Variants in MYH8 observed in about 807,000 individuals in gnomAD.
MYH8 encodes the protein myosin-8.
MYH8 carries 168 observed loss-of-function variants against 233.2 expected under a neutral mutation model. That is an observed-to-expected ratio of 0.72 (90% CI 0.64 to 0.82). The LOEUF is 0.82. Ranked by LOEUF, MYH8 falls within the 40% of genes least tolerant of loss-of-function variation. The pLI, the probability that MYH8 is intolerant of heterozygous loss-of-function variation, is 0.00. For missense variants in MYH8, 1,995 were observed against 2,327.8 expected (o/e 0.86, Z 2.94); for synonymous variants, 785 against 850.6 (o/e 0.92, Z 1.34).
chr17:10,418,601 A>T, intron 5 of MYH8, 44 bp downstream of exon 5: 2 of 1,612,744 alleles, frequency 1.2e-6, no homozygotes, highest in South Asian at 1.1e-5. Flanking sequence ...TTCTGCAAAG[A>T]TTCTATTTAC....
At chr17:10,397,301 C>A (rs527984544) in intron 30 of MYH8, among the ~76,000 whole-genome samples, 24 of 152,158 alleles carry the variant, frequency 1.6e-4, no homozygotes, top group Non-Finnish European at 2.6e-4. Context: ...CATATGTTGG[C>A]CAAGCTGGTC....
At chr17:10,409,710 G>A (rs902019629) in intron 15 of MYH8, 122 bp from the exon 16 acceptor site, 4 of 1,336,690 alleles carry the variant, frequency 3.0e-6, no homozygotes, top group African/African-American at 1.5e-5. Flanking sequence ...ATAAACCAGG[G>A]TCACAGCTCG....
rs2072226434 is a variant in MYH8 at position 10,409,528 on chromosome 17, A to G, written c.1648T>C (p.Ser550Pro). 1.2e-6 allele frequency: 2 copies of G among 1,614,210 alleles called. No individual in the cohort carries two copies. The highest frequency in any genetic ancestry group is 3.3e-5 in the Admixed American group (2 of 60,014). ...ECMFPKATDTSFKNKLYDQHL... is the reference protein window; with the variant it reads ...ECMFPKATDTPFKNKLYDQHL... ...TGGTCATACAGCTTGTTCTTGAAGG[A>G]GGTGTCCGTTGCCTTAGGGAACATG... The change falls in exon 16 of 40, where the codon TCC becomes CCC. Residue 550 changes from serine (S) to proline (P), a missense_variant. Around this residue, in one of 3 missense-constraint regions of MYH8, gnomAD observed 1,498 missense variants for 1,680.9 expected, o/e 0.89. Transcript: ENST00000403437.
Position 10,400,974 on chromosome 17 carries a change from G to A in MYH8, c.3255-15C>T. 1 of 1,613,398 alleles carries A rather than the reference G, an allele frequency of 6.2e-7. No homozygotes were observed. The highest frequency in any genetic ancestry group is 8.5e-7 in the Non-Finnish European group (1 of 1,179,544). On this transcript the variant is annotated splice_polypyrimidine_tract_variant and intron_variant, in intron 25 of 39. Coordinates refer to ENST00000403437, the MANE Select transcript of MYH8 (RefSeq NM_002472.3). This position sits in a 1 kb window ranked among gnomAD's most constrained non-coding sequence, Gnocchi z 4.0. Reference sequence around the variant, plus strand: ...CAAATTCTTTCCTTTAGACAGAAGAGCAAGACGTATTAATACTCATGTGAA... The same window carrying A: ...CAAATTCTTTCCTTTAGACAGAAGAACAAGACGTATTAATACTCATGTGAA...
rs1333766298 is a variant in MYH8 at position 10,406,543 on chromosome 17, A to G, written c.2172-146T>C. ...CCGTTTAAGGACAGATAGTAAAACA[A>G]TATGATTTTCTGTTGCATGCCTGCT... On this transcript the variant is annotated intron_variant, in intron 19 of 39. Transcript: ENST00000403437. 26 of 1,388,248 alleles carry G rather than the reference A, an allele frequency of 1.9e-5. No individual in the cohort carries two copies. In the East Asian group the frequency reaches 3.7e-4, roughly 20 times the overall value. 86.0% of individuals were successfully genotyped at this position (1,388,248 alleles called of 1,614,324 possible).
chr17:10,409,664 T>C, intron 15 of MYH8, 76 bp from the exon 16 acceptor site: 1 of 1,571,428 alleles, frequency 6.4e-7, no homozygotes, highest in Non-Finnish European at 8.7e-7. Flanking sequence ...GTCATTTGAT[T>C]GAATTATGAG....
intron 39 of MYH8, 88 bp from the exon 40 acceptor site, chr17:10,390,691 A>G (rs1288356584): frequency 6.9e-7 from 1 of 1,454,524 alleles, no homozygotes; most frequent in African/African-American, 1.4e-5. Context: ...CAAATCAGGT[A>G]TTTCCTTCTT....
chr17:10,396,801 A>G lies in MYH8; in HGVS notation c.4362+2T>C. On this transcript the variant is annotated splice_donor_variant, in intron 31 of 39. Transcript: ENST00000403437. LOFTEE classifies it high-confidence loss of function. This position sits in a 1 kb window ranked among gnomAD's most constrained non-coding sequence, Gnocchi z 4.2. The stretch of plus-strand genomic sequence containing the variant: ...TCTTAAAGTTTAAGCAGTCTGGGCC[A>G]CCTTGTCAAAGTTCCTTTGCTTCTT... 6.2e-7 allele frequency: 1 copy of G among 1,614,230 alleles called. No homozygotes were observed. The highest frequency in any genetic ancestry group is 8.5e-7 in the Non-Finnish European group (1 of 1,180,030).
rs1282780273 is a variant in MYH8 at position 10,394,335 on chromosome 17, T to TG, written c.5079dup (p.Thr1694HisfsTer21). On this transcript the variant is annotated frameshift_variant, in exon 35 of 40. Coordinates refer to ENST00000403437, the MANE Select transcript of MYH8 (RefSeq NM_002472.3). LOFTEE classifies it high-confidence loss of function. ...CTGCTTCTCTCTGTCTGTTCCAGAG[T>TG]GGCCCACAGCTCCTCGATCTCAGCC... is the stretch of plus-strand genomic sequence containing the variant. 1 of 1,613,952 alleles carries TG rather than the reference T, an allele frequency of 6.2e-7. No homozygotes were observed. Among genetic ancestry groups the TG allele is most frequent in the Non-Finnish European group, 8.5e-7 (1 of 1,180,018 alleles).
intron 39 of MYH8, among the ~76,000 whole-genome samples, chr17:10,391,358 C>T (rs2072021900): frequency 6.6e-6 from 1 of 152,118 alleles, no homozygotes; most frequent in Non-Finnish European, 1.5e-5. Context: ...GAACTTGCCC[C>T]CCTCAACCCT....
chr17:10,396,586 C>A lies in MYH8; in HGVS notation c.4495G>T (p.Glu1499Ter). ...NVYEESLDQLETLRRENKNLQ... is the reference protein window; with the variant it reads ...NVYEESLDQL ...TTCTTATTTTCTCTTCTTAGCGTTTCGAGTTGATCCAGGGATTCCTCATAG... is the reference window on the plus strand; with the variant it reads ...TTCTTATTTTCTCTTCTTAGCGTTTAGAGTTGATCCAGGGATTCCTCATAG... The change falls in exon 32 of 40, where the codon GAA becomes TAA. Residue 1499 changes from glutamate to a stop codon, truncating the protein, a stop_gained. Transcript: ENST00000403437. LOFTEE classifies it high-confidence loss of function. This position sits in a 1 kb window ranked among gnomAD's most constrained non-coding sequence, Gnocchi z 4.2. 1 of 1,614,130 alleles carries A rather than the reference C, an allele frequency of 6.2e-7. No homozygotes were observed. The highest frequency in any genetic ancestry group is 8.5e-7 in the Non-Finnish European group (1 of 1,180,022).
intron 12 of MYH8, among the ~76,000 whole-genome samples, chr17:10,413,038 A>G (rs1185911892): frequency 1.3e-5 from 2 of 152,230 alleles, no homozygotes; most frequent in South Asian, 2.1e-4. Flanking sequence ...TTTAAGACAC[A>G]TTAGGTGTAG....
intron 37 of MYH8, 67 bp from the exon 38 acceptor site, chr17:10,392,713 A>G: frequency 6.2e-7 from 1 of 1,612,298 alleles, no homozygotes; most frequent in South Asian, 1.1e-5. Context: ...GACCTACTGA[A>G]GGCATGGGGT....
In MYH8 at chr17:10,400,482, G is replaced by A. The variant is rs1403404409; in HGVS notation, c.3643C>T (p.Arg1215Trp). Residue 1215 changes from arginine (R) to tryptophan (W), a missense_variant, in exon 27 of 40, where the codon CGG becomes TGG. Arg to Trp is a moderately radical substitution (Grantham distance 101). This residue lies in a region of MYH8 where 1,498 missense variants were observed against 1,680.9 expected (regional missense o/e 0.89). Transcript: ENST00000403437. This position sits in a 1 kb window ranked among gnomAD's most constrained non-coding sequence, Gnocchi z 4.0. ...ELGEQIDNLQ[R>W]VKQKLEKEKS... ...TCCTTCTCCAGCTTCTGTTTGACCC[G>A]CTGCAAGTTGTCAATCTGCTCCCCA... is the stretch of plus-strand genomic sequence containing the variant. 3 of 1,613,986 alleles carry A rather than the reference G, an allele frequency of 1.9e-6. No homozygotes were observed. Among genetic ancestry groups the A allele is most frequent in the Non-Finnish European group, 2.5e-6 (3 of 1,179,988 alleles).
intron 33 of MYH8, 69 bp from the exon 34 acceptor site, chr17:10,395,510 C>T: frequency 6.7e-7 from 1 of 1,497,566 alleles, no homozygotes; most frequent in Non-Finnish European, 9.2e-7. Flanking sequence ...CCCTCGTGAG[C>T]CAAACTCTTG....
intron 33 of MYH8, 30 bp from the exon 34 acceptor site, chr17:10,395,471 G>T (rs752509023): frequency 6.2e-7 from 1 of 1,609,384 alleles, no homozygotes; most frequent in South Asian, 1.1e-5. Context: ...ATTAATAATG[G>T]AGAAGAACCT....
chr17:10,412,541 T>C, intron 13 of MYH8, 22 bp from the exon 14 acceptor site: 1 of 1,614,222 alleles, frequency 6.2e-7, no homozygotes, highest in Non-Finnish European at 8.5e-7. Flanking sequence ...GAGTAATGTT[T>C]GTTGGTATTG....
intron 22 of MYH8, 112 bp from the exon 23 acceptor site, chr17:10,401,897 T>A (rs1330760458): frequency 1.1e-5 from 15 of 1,399,444 alleles, no homozygotes; most frequent in Non-Finnish European, 1.2e-5. Context: ...TTTTTCAGTA[T>A]GAATATAAAT....
In MYH8 at chr17:10,390,437, G is replaced by A. The variant is rs1200909834; in HGVS notation, c.*17C>T. The A allele has an allele frequency of 8.7e-6, 14 of 1,612,664 alleles. No homozygotes were observed. The highest frequency in any genetic ancestry group is 3.3e-5 in the Admixed American group (2 of 60,014). ...TGTGCCTTTCTTCAGCCTCTTGATA[G>A]CATCAGGCAGGTGTGTTTACTCTGC... On this transcript the variant is annotated 3_prime_UTR_variant, in exon 40 of 40. Coordinates refer to ENST00000403437, the MANE Select transcript of MYH8 (RefSeq NM_002472.3).
Sources: gnomAD v4.1 joint callset for allele counts (sites outside exome capture counted in the v4.1 genomes callset) on GRCh38, gnomAD v4.1.1 for gene constraint, gnomAD v4.1.1 regional missense constraint, Gnocchi (gnomAD v3.1) non-coding constraint, MANE v1.5 for transcripts, NCBI Gene and HGNC (gene_info 2026-07-23, HGNC 2026-07-21) for gene names.